The following VIPR2 variants were observed in gnomAD, a reference collection of about 807,000 sequenced individuals.
The protein encoded by VIPR2 is vasoactive intestinal polypeptide receptor 2.
A neutral mutation model predicts 58.0 loss-of-function variants in VIPR2; 48 were observed. The ratio of observed to expected loss-of-function variants is 0.83; its 90% CI spans 0.66 to 1.05. The LOEUF (loss-of-function observed/expected upper bound fraction) is 1.05, where lower values mean the gene tolerates loss of function less well. VIPR2 is among the 50% of genes least tolerant of loss of function. VIPR2 has a pLI of 0.00. For missense variants in VIPR2, 534 were observed against 558.0 expected, an observed-to-expected ratio of 0.96 and a Z score of 0.43; for synonymous variants, 243 against 235.2, an observed-to-expected ratio of 1.03 and a Z score of -0.30.
chr7:159,132,913 C>T (rs540168853), intron 2 of VIPR2, among the ~76,000 whole-genome samples: 1 of 138,474 alleles, frequency 7.2e-6, no homozygotes, highest in Non-Finnish European at 1.6e-5. Flanking sequence ...GATTGGCATA[C>T]AGATTGATTT....
intron 4 of VIPR2, among the ~76,000 whole-genome samples, chr7:159,090,217 G>A (rs1585462015): frequency 7.3e-6 from 1 of 136,644 alleles, no homozygotes. Flanking sequence ...CTGGGATCAC[G>A]CACAGGGGCC....
At chr7:159,044,493 C>T (rs1315669244) in intron 5 of VIPR2, among the ~76,000 whole-genome samples, 1 of 151,540 alleles carries the variant, frequency 6.6e-6, no homozygotes, top group Non-Finnish European at 1.5e-5. Context: ...AAAAATTATC[C>T]TTGAGGCATC....
chr7:159,092,635 G>GTTTTC (rs1162845367), intron 4 of VIPR2, among the ~76,000 whole-genome samples: 4 of 146,390 alleles, frequency 2.7e-5, no homozygotes, highest in African/African-American at 5.2e-5. Flanking sequence ...GCAGGAGGCT[G>GTTTTC]TTTTCTTTTC....
chr7:159,142,838 T>C (rs144929073), intron 1 of VIPR2, among the ~76,000 whole-genome samples: 1 of 152,232 alleles, frequency 6.6e-6, no homozygotes, highest in African/African-American at 2.4e-5. Context: ...CAGAGCTCTT[T>C]ACTCCATTCA....
intron 3 of VIPR2, among the ~76,000 whole-genome samples, chr7:159,108,952 C>T (rs55708631): frequency 0.13 from 19,329 of 152,226 alleles, 1,412 homozygotes; most frequent in East Asian, 0.16. Context: ...GCTGGCAACT[C>T]GGGGTGAGAA....
chr7:159,101,974 A>G (rs941277791), intron 4 of VIPR2, among the ~76,000 whole-genome samples: 1 of 141,718 alleles, frequency 7.1e-6, no homozygotes, highest in African/African-American at 2.7e-5. Flanking sequence ...GGTGGTTCCG[A>G]CTGTTCCTGT....
chr7:159,031,479 C>T lies in VIPR2; in HGVS notation c.1143+349G>A. On this transcript the variant is annotated intron_variant, in intron 12 of 12. Coordinates refer to ENST00000262178, the MANE Select transcript of VIPR2 (RefSeq NM_003382.5). The surrounding 1 kb of genome is among the most constrained non-coding windows in gnomAD (Gnocchi z 4.0). ...GCCCCACCCCCCAACCCAGGCCCGG[C>T]TTTCTGGGACTCACAAGCTATGGTC... 1 of 985,334 alleles carries T rather than the reference C, an allele frequency of 1.0e-6. No individual in the cohort carries two copies. The allele number at this position is 985,334 out of a possible 1,614,324, so 61.0% of individuals were successfully genotyped here.
Position 159,109,858 on chromosome 7 carries a change from G to A in VIPR2, c.213C>T (p.Val71=). Residue 71 remains valine, a synonymous_variant, in exon 3 of 13, where the codon GTC becomes GTT. Coordinates refer to ENST00000262178, the MANE Select transcript of VIPR2 (RefSeq NM_003382.5). ...TGAAGACTTTTGGGCAGGGCACCGT[G>A]ACGGTCTCTCCCACATTGGCAGGCC... The part of the protein sequence containing the change: ...CWRPANVGET[V]TVPCPKVFSN... 1 of 1,614,192 alleles carries A rather than the reference G, an allele frequency of 6.2e-7. No individual in the cohort carries two copies. Among genetic ancestry groups the A allele is most frequent in the Non-Finnish European group, 8.5e-7 (1 of 1,180,044 alleles).
At chr7:159,063,214 G>A (rs1250520559) in intron 4 of VIPR2, among the ~76,000 whole-genome samples, 1 of 152,118 alleles carries the variant, frequency 6.6e-6, no homozygotes, top group African/African-American at 2.4e-5. Flanking sequence ...AGGCTAGACG[G>A]TGCAGGAGTC....
rs1585585006 is a variant in VIPR2, at chr7:159,144,784, G to T, written c.-13C>A. 12 of 1,246,500 alleles carry T rather than the reference G, an allele frequency of 9.6e-6. No homozygotes were observed. Among genetic ancestry groups the T allele is most frequent in the East Asian group, 6.3e-5 (2 of 31,664 alleles). 77.2% of individuals were successfully genotyped at this position (1,246,500 alleles called of 1,614,324 possible). A position where few individuals can be genotyped will look rare whatever the true frequency, so the allele number is the denominator to read the frequency against. On this transcript the variant is annotated 5_prime_UTR_variant, in exon 1 of 13. Coordinates refer to ENST00000262178, the MANE Select transcript of VIPR2 (RefSeq NM_003382.5). ...GCAGCGTCCGCATCCCGAGCTCAGC[G>T]TGCCGGGGGCCGCCCAGCGCCCGCC...
In VIPR2 at chr7:159,096,356, T is replaced by A. The variant is rs1857845396; in HGVS notation, c.357+7401A>T. ...CCTCCTCCGGCATCGGCCAGCTCCATGCCCAGAAGCGCCTGGCGCACCGCT... is the reference window on the plus strand; with the variant it reads ...CCTCCTCCGGCATCGGCCAGCTCCAAGCCCAGAAGCGCCTGGCGCACCGCT... On this transcript the variant is annotated intron_variant, in intron 4 of 12. Coordinates refer to ENST00000262178, the MANE Select transcript of VIPR2 (RefSeq NM_003382.5). This position sits in a 1 kb window ranked among gnomAD's most constrained non-coding sequence, Gnocchi z 5.5. Among the ~76,000 whole-genome samples, 1 of 152,214 alleles carries A rather than the reference T, an allele frequency of 6.6e-6. No individual in the cohort carries two copies. The highest frequency in any genetic ancestry group is 1.5e-5 in the Non-Finnish European group (1 of 68,032).
At position 159,073,312 on chromosome 7, in the gene VIPR2, TC is replaced by T. The variant is rs541914468; in HGVS notation, c.358-14735del. 2.6e-5 allele frequency among the ~76,000 whole-genome samples: 4 copies of T among 152,190 alleles called. No individual in the cohort carries two copies. The South Asian group carries it at 8.3e-4, about 32-fold the overall frequency. On this transcript the variant is annotated intron_variant, in intron 4 of 12. Coordinates refer to ENST00000262178, the MANE Select transcript of VIPR2 (RefSeq NM_003382.5). The stretch of plus-strand genomic sequence containing the variant: ...ACACACACCTCAATCAAGTAGATTT[TC>T]CCCAGGATGCAAAGATGACACATGC...
chr7:159,062,258 A>C (rs1855725581), intron 4 of VIPR2, among the ~76,000 whole-genome samples: 1 of 152,164 alleles, frequency 6.6e-6, no homozygotes, highest in Admixed American at 6.5e-5. Flanking sequence ...GTGAGAGAGC[A>C]GCGCCAGCCT....
chr7:159,131,116 A>G (rs1450445554), intron 2 of VIPR2, among the ~76,000 whole-genome samples: 1 of 152,164 alleles, frequency 6.6e-6, no homozygotes, highest in Non-Finnish European at 1.5e-5. Context: ...AGCCAGTGGA[A>G]CGAGGAGGGG....
intron 2 of VIPR2, among the ~76,000 whole-genome samples, chr7:159,112,779 G>A (rs1239092958): frequency 2.6e-3 from 352 of 135,694 alleles, no homozygotes; most frequent in Middle Eastern, 7.5e-3. Context: ...CATGGCGCCT[G>A]CCTGGGACGG....
intron 2 of VIPR2, among the ~76,000 whole-genome samples, chr7:159,118,164 C>T (rs1011668692): frequency 6.6e-6 from 1 of 152,180 alleles, no homozygotes; most frequent in African/African-American, 2.4e-5. Context: ...TGCTGAAGCC[C>T]CTGTGACCAC....
intron 4 of VIPR2, among the ~76,000 whole-genome samples, chr7:159,091,666 C>A (rs1261133841): frequency 6.6e-6 from 1 of 152,172 alleles, no homozygotes; most frequent in African/African-American, 2.4e-5. Flanking sequence ...ATGAGACCTG[C>A]CTGGCCTCCT....
At chr7:159,104,695 C>T (rs1858539807) in intron 3 of VIPR2, among the ~76,000 whole-genome samples, 1 of 151,144 alleles carries the variant, frequency 6.6e-6, no homozygotes, top group South Asian at 2.1e-4. Context: ...ACCCTCCCTC[C>T]TTCCAGCCAG....
rs150622994 is a variant in VIPR2 at position 159,099,452 on chromosome 7, C to T, written c.357+4305G>A. On this transcript the variant is annotated intron_variant, in intron 4 of 12. Coordinates refer to ENST00000262178, the MANE Select transcript of VIPR2 (RefSeq NM_003382.5). This position sits in a 1 kb window ranked among gnomAD's most constrained non-coding sequence, Gnocchi z 4.2. ...CAGGAGATAAGGAGCTTGGGCATGA[C>T]TCTGTGGGCTGACATTGCCACAGCA... Among the ~76,000 whole-genome samples, 369 of 152,308 alleles carry T rather than the reference C, an allele frequency of 2.4e-3. 15 individuals carry two copies. Among genetic ancestry groups the T allele is most frequent in the Admixed American group, 0.023 (350 of 15,302 alleles).
Sources: allele counts gnomAD v4.1 joint callset (sites outside exome capture counted in the v4.1 genomes callset), GRCh38; gene constraint gnomAD v4.1.1; non-coding constraint Gnocchi (gnomAD v3.1); transcripts MANE v1.5; gene names NCBI Gene and HGNC (gene_info 2026-07-23, HGNC 2026-07-21).